ASB9: variants seen among roughly 807,000 people sequenced by gnomAD.
ASB9 encodes ankyrin repeat and SOCS box protein 9.
A neutral mutation model predicts 16.6 loss-of-function variants in ASB9; 5 were observed. The observed-to-expected ratio is 0.30, with a 90% CI of 0.16 to 0.63. The LOEUF (loss-of-function observed/expected upper bound fraction) is 0.63. Among genes scored for constraint, ASB9 ranks in the 30% least tolerant of loss-of-function variants. ASB9 has a pLI of 0.82. For missense variants in ASB9, 216 were observed against 229.4 expected (o/e 0.94, Z 0.38); for synonymous variants, 100 against 86.4 (o/e 1.16, Z -0.87).
intron 2 of ASB9, among the ~76,000 whole-genome samples, chrX:15,255,692 A>G (rs950580990): frequency 2.7e-5 from 3 of 111,890 alleles, no homozygotes; most frequent in African/African-American, 9.8e-5. Flanking sequence ...CCAAATTGCT[A>G]AGTTTTAACA....
chrX:15,260,031 T>A (rs1227589644), intron 1 of ASB9, among the ~76,000 whole-genome samples: 2 of 111,944 alleles, frequency 1.8e-5, no homozygotes, highest in Non-Finnish European at 1.9e-5. Flanking sequence ...CAACACATAC[T>A]AGCTACTATT....
chrX:15,264,580 G>T (rs915869418), intron 1 of ASB9, among the ~76,000 whole-genome samples: 1 of 111,067 alleles, frequency 9.0e-6, no homozygotes, highest in Non-Finnish European at 1.9e-5. Flanking sequence ...GGTGGAGGTG[G>T]GAGCAGCAAG....
At chrX:15,262,935 T>C (rs1926092845) in intron 1 of ASB9, among the ~76,000 whole-genome samples, 1 of 112,369 alleles carries the variant, frequency 8.9e-6, no homozygotes, top group East Asian at 2.8e-4. Flanking sequence ...CCTGGCCTAG[T>C]TTAACATTTT....
At position 15,244,351 on chromosome X, in the gene ASB9, A is replaced by G; in HGVS notation, c.*155T>C. 1 of 634,029 alleles carries G rather than the reference A, an allele frequency of 1.6e-6. No individual in the cohort carries two copies. The highest frequency in any genetic ancestry group is 2.3e-6 in the Non-Finnish European group (1 of 427,255). 52.3% of individuals were successfully genotyped at this position (634,029 alleles called of 1,213,427 possible). On this transcript the variant is annotated 3_prime_UTR_variant, in exon 7 of 7. Coordinates refer to ENST00000380488, the MANE Select transcript of ASB9 (RefSeq NM_001031739.3). The stretch of plus-strand genomic sequence containing the variant: ...TAACAAATACAAATTGAATAGAAAA[A>G]ATTAGTCAAACTCCATAAACAAGTT...
chrX:15,246,976 C>A (rs1174519248), intron 6 of ASB9, among the ~76,000 whole-genome samples: 1 of 111,648 alleles, frequency 9.0e-6, no homozygotes, highest in African/African-American at 3.3e-5. Flanking sequence ...TTTCCTAACA[C>A]CCACGCAAAG....
chrX:15,252,521 A>G, intron 3 of ASB9, 117 bp from the exon 4 acceptor site: 1 of 732,431 alleles, frequency 1.4e-6, no homozygotes, highest in Non-Finnish European at 1.9e-6. Context: ...CCTCAGCTAT[A>G]AAATGGAGAA....
chrX:15,244,692 T>TGGAA, intron 6 of ASB9, 62 bp from the exon 7 acceptor site: 1 of 970,419 alleles, frequency 1.0e-6, no homozygotes, highest in Non-Finnish European at 1.4e-6. Context: ...TCCTTTTTTT[T>TGGAA]AAAAAAAAAA....
chrX:15,265,983 A>AG (rs1157431611), intron 1 of ASB9, among the ~76,000 whole-genome samples: 131 of 109,775 alleles, frequency 1.2e-3, no homozygotes, highest in African/African-American at 4.3e-3. Flanking sequence ...TTGTATTTTT[A>AG]GTAAAGACTG....
At chrX:15,260,401 A>C (rs1420343222) in intron 1 of ASB9, among the ~76,000 whole-genome samples, 2 of 112,258 alleles carry the variant, frequency 1.8e-5, no homozygotes, top group Non-Finnish European at 3.8e-5. Flanking sequence ...CTGTCTCAAA[A>C]AAATAAAATA....
intron 6 of ASB9, among the ~76,000 whole-genome samples, chrX:15,245,571 A>G (rs1924591702): frequency 8.9e-6 from 1 of 111,770 alleles, no homozygotes; most frequent in South Asian, 3.8e-4. Context: ...AACTCCATAA[A>G]GCCGTAGCCC....
Position 15,269,743 on chromosome X carries a change from A to G in ASB9, c.94+38T>C, listed in dbSNP as rs756928934. The G allele has an allele frequency of 7.9e-6, 9 of 1,141,926 alleles. No individual in the cohort carries two copies. The East Asian group carries it at 2.8e-4, about 35-fold the overall frequency. 94.1% of individuals were successfully genotyped at this position (1,141,926 alleles called of 1,213,427 possible). A position where few individuals can be genotyped will look rare whatever the true frequency, so the allele number is the denominator to read the frequency against. On this transcript the variant is annotated intron_variant, in intron 1 of 6. Coordinates refer to ENST00000380488, the MANE Select transcript of ASB9 (RefSeq NM_001031739.3). ...CCTCCTCTCCTAAGCACATTAGCCAACCTCCCCAGGGCTGATTCCACTGCC... is the reference window on the plus strand; with the variant it reads ...CCTCCTCTCCTAAGCACATTAGCCAGCCTCCCCAGGGCTGATTCCACTGCC...
chrX:15,261,917 ACT>A (rs1307883709), intron 1 of ASB9, among the ~76,000 whole-genome samples: 15 of 111,298 alleles, frequency 1.3e-4, no homozygotes, highest in African/African-American at 2.6e-4. Flanking sequence ...CCAAAAAGAA[ACT>A]CTGTGCCCAT....
chrX:15,249,552 C>T (rs1031454784), intron 5 of ASB9, among the ~76,000 whole-genome samples: 1 of 112,694 alleles, frequency 8.9e-6, no homozygotes, highest in African/African-American at 3.2e-5. Context: ...CCCACCCCAG[C>T]CCAGAGCCTA....
At chrX:15,257,059 A>G (rs1925629409) in intron 2 of ASB9, among the ~76,000 whole-genome samples, 2 of 111,169 alleles carry the variant, frequency 1.8e-5, no homozygotes, top group Non-Finnish European at 1.9e-5. Flanking sequence ...AAAGGCAACC[A>G]TAAAAACAAC....
At chrX:15,248,129 G>A (rs1425351238) in intron 6 of ASB9, among the ~76,000 whole-genome samples, 1 of 111,498 alleles carries the variant, frequency 9.0e-6, no homozygotes. Flanking sequence ...AACTTGAGGT[G>A]TCTTTGTTCC....
intron 6 of ASB9, among the ~76,000 whole-genome samples, chrX:15,246,361 A>C (rs1269498353): frequency 8.9e-6 from 1 of 112,548 alleles, no homozygotes; most frequent in Non-Finnish European, 1.9e-5. Context: ...TGGCACCTGC[A>C]AATATTCAAG....
intron 1 of ASB9, among the ~76,000 whole-genome samples, chrX:15,267,209 G>A (rs1329019996): frequency 1.9e-5 from 2 of 106,283 alleles, no homozygotes; most frequent in Non-Finnish European, 3.9e-5. Context: ...CCAGCCTGGG[G>A]CAACATGGTG....
In ASB9 at chrX:15,244,272, C is replaced by G. The variant is rs779348623; in HGVS notation, c.*234G>C. 7 of 334,505 alleles carry G rather than the reference C, an allele frequency of 2.1e-5. No homozygotes were observed. The highest frequency in any genetic ancestry group is 3.6e-5 in the Non-Finnish European group (7 of 196,901). The allele number at this position is 334,505 out of a possible 1,213,427, so 27.6% of individuals were successfully genotyped here. On this transcript the variant is annotated 3_prime_UTR_variant, in exon 7 of 7. Coordinates refer to ENST00000380488, the MANE Select transcript of ASB9 (RefSeq NM_001031739.3). ...CCATGCAGGGAAAAAAGTCTTCATG[C>G]CTTCTAACTAATAATACAAACGTAT...
intron 1 of ASB9, among the ~76,000 whole-genome samples, chrX:15,267,979 G>A (rs890758666): frequency 1.8e-5 from 2 of 110,278 alleles, no homozygotes; most frequent in African/African-American, 3.3e-5. Context: ...AAGGGAAGAC[G>A]TTTTGTGTTT....
Sources: gnomAD v4.1 joint callset for allele counts (sites outside exome capture counted in the v4.1 genomes callset) on GRCh38, gnomAD v4.1.1 for gene constraint, MANE v1.5 for transcripts, NCBI Gene and HGNC (gene_info 2026-07-23, HGNC 2026-07-21) for gene names.